CHD9NB: variants seen among roughly 807,000 people sequenced by gnomAD.
CHD9NB encodes CHD9 neighbor.
chr16:53,045,453 G>C, the CHD9NB span, among the ~76,000 whole-genome samples: 1 of 152,190 alleles, frequency 6.6e-6, no homozygotes, highest in South Asian at 2.1e-4. Flanking sequence ...TGGAACTGGA[G>C]TTTGGAACTC....
chr16:53,040,327 G>T, the CHD9NB span, among the ~76,000 whole-genome samples: 2 of 152,058 alleles, frequency 1.3e-5, no homozygotes, highest in Admixed American at 6.5e-5. Flanking sequence ...ACCCACCGTG[G>T]CCTCCCAAAG....
At chr16:53,038,507 C>T in the CHD9NB span, among the ~76,000 whole-genome samples, 2 of 151,904 alleles carry the variant, frequency 1.3e-5, no homozygotes, top group South Asian at 4.1e-4. Flanking sequence ...CGTGCCACCA[C>T]ACCTGGACAA....
the CHD9NB span, among the ~76,000 whole-genome samples, chr16:53,036,130 G>A: frequency 1.3e-5 from 2 of 152,206 alleles, no homozygotes; most frequent in African/African-American, 4.8e-5. Context: ...ATGCGCTGCT[G>A]TGGTTAAAAC....
chr16:53,043,408 T>C, the CHD9NB span: 1 of 152,246 alleles, frequency 6.6e-6, no homozygotes, highest in African/African-American at 2.4e-5. Context: ...CTTGTTGCCT[T>C]CAATTTACGG....
At chr16:53,043,967 G>A in the CHD9NB span, 2 of 398,746 alleles carry the variant, frequency 5.0e-6, no homozygotes. Flanking sequence ...GTTCCAGGAA[G>A]GAGGTGAGGG....
At chr16:53,037,374 A>T in the CHD9NB span, among the ~76,000 whole-genome samples, 3 of 152,220 alleles carry the variant, frequency 2.0e-5, no homozygotes, top group Non-Finnish European at 4.4e-5. Context: ...AGGCCCACAA[A>T]TTTAACTGAG....
chr16:53,036,324 C>T, the CHD9NB span, among the ~76,000 whole-genome samples: 1 of 152,198 alleles, frequency 6.6e-6, no homozygotes, highest in Non-Finnish European at 1.5e-5. Flanking sequence ...CAATGCCTGG[C>T]ACTTGGTGAA....
At chr16:53,043,990 G>A in the CHD9NB span, 48 of 398,846 alleles carry the variant, frequency 1.2e-4, no homozygotes, top group Middle Eastern at 1.9e-3. Flanking sequence ...CGACTCTGGA[G>A]AGAGGCATTT....
the CHD9NB span, chr16:53,044,306 C>T: frequency 2.8e-5 from 11 of 396,508 alleles, 1 homozygote; most frequent in Middle Eastern, 2.5e-3. Context: ...CACAAGGAGA[C>T]GCCCCGCTGT....
At chr16:53,040,105 G>A in the CHD9NB span, among the ~76,000 whole-genome samples, 2 of 151,762 alleles carry the variant, frequency 1.3e-5, no homozygotes, top group East Asian at 1.9e-4. Context: ...TCACTCTGTC[G>A]CCAGGATAGA....
the CHD9NB span, among the ~76,000 whole-genome samples, chr16:53,039,918 A>G: frequency 6.6e-6 from 1 of 152,026 alleles, no homozygotes; most frequent in Non-Finnish European, 1.5e-5. Flanking sequence ...CATGAGGAAA[A>G]AGATAAGATT....
chr16:53,047,020 A>G, the CHD9NB span, among the ~76,000 whole-genome samples: 1 of 152,222 alleles, frequency 6.6e-6, no homozygotes, highest in Admixed American at 6.5e-5. Context: ...AGGCAAGAAC[A>G]GAGAAATGAG....
At chr16:53,042,129 T>A in the CHD9NB span, among the ~76,000 whole-genome samples, 1 of 152,040 alleles carries the variant, frequency 6.6e-6, no homozygotes, top group African/African-American at 2.4e-5. Flanking sequence ...AAAAGAAGGG[T>A]CCTTTGCAGC....
At chr16:53,049,322 TTGTGTGTGTGTG>T in the CHD9NB span, among the ~76,000 whole-genome samples, 5 of 145,000 alleles carry the variant, frequency 3.4e-5, no homozygotes, top group Admixed American at 6.9e-5. Context: ...CCCCCAGCTG[TTGTGTGTGTGTG>T]TGTGTGTGTG....
chr16:53,047,494 T>C, the CHD9NB span, among the ~76,000 whole-genome samples: 1 of 152,190 alleles, frequency 6.6e-6, no homozygotes, highest in Non-Finnish European at 1.5e-5. Context: ...TCCTGGCTTG[T>C]AGATGGCCCC....
At chr16:53,051,607 C>T in the CHD9NB span, among the ~76,000 whole-genome samples, 46 of 75,280 alleles carry the variant, frequency 6.1e-4, no homozygotes, top group Middle Eastern at 0.012. Context: ...CATCGCACAC[C>T]GGGGCCTGTT....
chr16:53,049,212 A>G, the CHD9NB span, among the ~76,000 whole-genome samples: 1 of 151,422 alleles, frequency 6.6e-6, no homozygotes, highest in Non-Finnish European at 1.5e-5. Flanking sequence ...AGTGCAGTGG[A>G]GCGATCATGC....
At chr16:53,036,752 T>C in the CHD9NB span, among the ~76,000 whole-genome samples, 1 of 152,206 alleles carries the variant, frequency 6.6e-6, no homozygotes, top group Admixed American at 6.5e-5. Flanking sequence ...TAGTTCAACA[T>C]TTAAAGCTAA....
chr16:53,047,573 C>T, the CHD9NB span, among the ~76,000 whole-genome samples: 1 of 152,200 alleles, frequency 6.6e-6, no homozygotes, highest in Admixed American at 6.5e-5. Flanking sequence ...ATATCCCTTC[C>T]TCTTCTTATA....
Sources: gnomAD v4.1 joint callset for allele counts (sites outside exome capture counted in the v4.1 genomes callset) on GRCh38, gnomAD v4.1.1 for gene constraint, MANE v1.5 for transcripts, NCBI Gene and HGNC (gene_info 2026-07-23, HGNC 2026-07-21) for gene names.